CAMTA1: variants seen among roughly 807,000 people sequenced by gnomAD.
The protein encoded by CAMTA1 is calmodulin binding transcription activator 1.
A neutral mutation model predicts 170.9 loss-of-function variants in CAMTA1; 27 were observed. That is an observed-to-expected ratio of 0.16 (90% confidence interval 0.12 to 0.22). The LOEUF (loss-of-function observed/expected upper bound fraction) is 0.22. Among genes scored for constraint, CAMTA1 ranks in the 10% least tolerant of loss-of-function variants. The pLI is 1.00. For synonymous variants in CAMTA1, 833 were observed against 891.5 expected (o/e 0.93, Z 1.17); for missense variants, 1,619 against 2,217.2 (o/e 0.73, Z 5.42).
intron 11 of CAMTA1, among the ~76,000 whole-genome samples, chr1:7,688,163 C>CGTG (rs943371171): frequency 1.4e-5 from 2 of 147,398 alleles, no homozygotes; most frequent in African/African-American, 5.1e-5. Context: ...TGTGCACCAC[C>CGTG]ACACCCAGCT....
intron 22 of CAMTA1, among the ~76,000 whole-genome samples, chr1:7,763,237 C>T (rs2096989299): frequency 6.6e-6 from 1 of 152,122 alleles, no homozygotes; most frequent in Admixed American, 6.6e-5. Context: ...AATACTTTTT[C>T]TCTCTCATTT....
intron 11 of CAMTA1, among the ~76,000 whole-genome samples, chr1:7,708,792 T>C (rs1293011781): frequency 6.6e-6 from 1 of 152,208 alleles, no homozygotes; most frequent in Non-Finnish European, 1.5e-5. Flanking sequence ...ATACGGAGTT[T>C]AATGAGGGTA....
intron 3 of CAMTA1, among the ~76,000 whole-genome samples, chr1:6,964,992 C>T (rs76128462): frequency 6.6e-6 from 1 of 151,980 alleles, no homozygotes; most frequent in Non-Finnish European, 1.5e-5. Flanking sequence ...CTCCAAGGGT[C>T]GCAGAGCAGC....
chr1:7,256,105 A>T (rs961285380), intron 5 of CAMTA1, among the ~76,000 whole-genome samples: 2 of 152,286 alleles, frequency 1.3e-5, no homozygotes, highest in East Asian at 1.9e-4. Context: ...ATTTCCTGTT[A>T]CCTGGATGTG....
chr1:7,412,172 G>T (rs147127282), intron 5 of CAMTA1, among the ~76,000 whole-genome samples: 2,623 of 152,210 alleles, frequency 0.017, 72 homozygotes, highest in African/African-American at 0.06. Flanking sequence ...TGGACATTTG[G>T]GTTGGTTCCA....
At position 7,301,379 on chromosome 1, in the gene CAMTA1, CAA is replaced by C. The variant is rs1674733148; in HGVS notation, c.438+51754_438+51755del. Among the ~76,000 whole-genome samples the C allele has an allele frequency of 2.6e-5, 4 of 152,252 alleles. No individual in the cohort carries two copies. The South Asian group carries it at 8.3e-4, about 32-fold the overall frequency. On this transcript the variant is annotated intron_variant, in intron 5 of 22. Coordinates refer to ENST00000303635, the MANE Select transcript of CAMTA1 (RefSeq NM_015215.4). ...TACAGATCTGCTCTAATTGTTGTAC[CAA>C]GTGAAAATAGATGGCTCTGTTGATC...
rs1393324091 is a variant in CAMTA1, at chr1:7,681,052, C to T, written c.2914+3319C>T. ...GGGGCGCAGCCATCCTGGGAGAGAC[C>T]GGGCGTGGAGATGGGGGAAGGTGGG... On this transcript the variant is annotated intron_variant, in intron 11 of 22. Transcript: ENST00000303635. This position sits in a 1 kb window ranked among gnomAD's most constrained non-coding sequence, Gnocchi z 4.6. Among the ~76,000 whole-genome samples, 1 of 152,108 alleles carries T rather than the reference C, an allele frequency of 6.6e-6. No homozygotes were observed. The highest frequency in any genetic ancestry group is 2.1e-4 in the South Asian group (1 of 4,818).
chr1:7,198,781 A>G (rs1188612918), intron 4 of CAMTA1, among the ~76,000 whole-genome samples: 1 of 151,736 alleles, frequency 6.6e-6, no homozygotes, highest in Non-Finnish European at 1.5e-5. Context: ...ATCTTCCCTG[A>G]CCCTGGCCCT....
Position 7,413,529 on chromosome 1 carries a change from G to A in CAMTA1, c.439-54301G>A, listed in dbSNP as rs956386322. On this transcript the variant is annotated intron_variant, in intron 5 of 22. Transcript: ENST00000303635. The stretch of plus-strand genomic sequence containing the variant: ...TTCTCCTTGAAGCAATTGTGAATGG[G>A]AGTTCATTCATGATTTGGCTCTCTG... Among the ~76,000 whole-genome samples the A allele has an allele frequency of 1.4e-3, 206 of 152,282 alleles. 1 individual carries two copies. The highest frequency in any genetic ancestry group is 4.7e-3 in the African/African-American group (195 of 41,546).
chr1:7,759,963 C>T (rs2096962219), intron 22 of CAMTA1, among the ~76,000 whole-genome samples: 1 of 152,194 alleles, frequency 6.6e-6, no homozygotes, highest in South Asian at 2.1e-4. Context: ...TAGACAAATT[C>T]CTCCTTTCCC....
At chr1:7,392,613 G>GC (rs202066092) in intron 5 of CAMTA1, among the ~76,000 whole-genome samples, 151,684 of 151,684 alleles carry the variant, frequency 1, 75,842 homozygotes, top group Non-Finnish European at 1. Context: ...AATAGCTCAT[G>GC]CTGTAATCCT....
intron 9 of CAMTA1, among the ~76,000 whole-genome samples, chr1:7,669,687 CA>C (rs1454485746): frequency 2.6e-5 from 4 of 152,362 alleles, no homozygotes; most frequent in South Asian, 2.1e-4. Context: ...CTCTCCGCCC[CA>C]CTGCAGGGAA....
chr1:6,893,448 GT>G (rs563136996), intron 3 of CAMTA1, among the ~76,000 whole-genome samples: 3 of 152,172 alleles, frequency 2.0e-5, no homozygotes, highest in Admixed American at 6.5e-5. Flanking sequence ...TTGTTGTTTG[GT>G]TGCCCTCTTC....
At chr1:6,860,423 T>A (rs1167865484) in intron 3 of CAMTA1, among the ~76,000 whole-genome samples, 1 of 152,210 alleles carries the variant, frequency 6.6e-6, no homozygotes, top group East Asian at 1.9e-4. Context: ...TTCTACTGAT[T>A]TGAGATGTTG....
At chr1:7,476,051 T>C (rs2149591152) in intron 6 of CAMTA1, among the ~76,000 whole-genome samples, 1 of 152,274 alleles carries the variant, frequency 6.6e-6, no homozygotes, top group Middle Eastern at 3.4e-3. Flanking sequence ...AAACCCCAAG[T>C]TTCCCCTGCC....
At chr1:6,829,787 C>T (rs1445362989) in intron 3 of CAMTA1, among the ~76,000 whole-genome samples, 1 of 152,214 alleles carries the variant, frequency 6.6e-6, no homozygotes, top group Non-Finnish European at 1.5e-5. Flanking sequence ...TTTTGTCCCA[C>T]AGAGCAATAT....
At chr1:7,472,566 T>C (rs551563907) in intron 6 of CAMTA1, among the ~76,000 whole-genome samples, 3 of 152,098 alleles carry the variant, frequency 2.0e-5, no homozygotes, top group Non-Finnish European at 4.4e-5. Flanking sequence ...CCATCACCCC[T>C]GTTTATAGAT....
At position 7,661,749 on chromosome 1, in the gene CAMTA1, A is replaced by T; in HGVS notation, c.688A>T (p.Ser230Cys). The change falls in exon 8 of 23, where the codon AGC (serine) becomes TGC (cysteine). Residue 230 changes from serine to cysteine, a missense_variant. Physicochemically the swap from Ser to Cys is moderately radical, Grantham distance 112 (BLOSUM62 -1). Transcript: ENST00000303635. The stretch of plus-strand genomic sequence containing the variant: ...AGTCCATGGCATCAAGTGGACCTGC[A>T]GCAATGGGAACAGCAGCTCAGGCTT... ...PMFHGIKWTCSNGNSSSGFSV... is the reference protein window; with the variant it reads ...PMFHGIKWTCCNGNSSSGFSV... 1.2e-6 allele frequency: 2 copies of T among 1,613,642 alleles called. No individual in the cohort carries two copies. Among genetic ancestry groups the T allele is most frequent in the Non-Finnish European group, 1.7e-6 (2 of 1,179,946 alleles).
chr1:7,363,090 C>T (rs74052965), intron 5 of CAMTA1, among the ~76,000 whole-genome samples: 3,946 of 152,280 alleles, frequency 0.026, 106 homozygotes, highest in African/African-American at 0.066. Flanking sequence ...TAAATAGGGA[C>T]ATGATACCAA....
Sources: gnomAD v4.1 joint callset for allele counts (sites outside exome capture counted in the v4.1 genomes callset) on GRCh38, gnomAD v4.1.1 for gene constraint, Gnocchi (gnomAD v3.1) non-coding constraint, MANE v1.5 for transcripts, NCBI Gene and HGNC (gene_info 2026-07-23, HGNC 2026-07-21) for gene names.